DYRK4: variants seen among roughly 807,000 people sequenced by gnomAD.
The protein encoded by DYRK4 is dual specificity tyrosine phosphorylation regulated kinase 4.
DYRK4 carries 64 observed loss-of-function variants against 68.3 expected under a neutral mutation model. The observed-to-expected ratio is 0.94, with a 90% CI of 0.77 to 1.15. The LOEUF (loss-of-function observed/expected upper bound fraction) is 1.15, where lower values mean the gene tolerates loss of function less well. Among genes scored for constraint, DYRK4 ranks in the 50% most tolerant of loss-of-function variants. The pLI is 0.00. For missense variants in DYRK4, 740 were observed against 764.7 expected, an observed-to-expected ratio of 0.97 and a Z score of 0.38; for synonymous variants, 274 against 289.9, an observed-to-expected ratio of 0.95 and a Z score of 0.56.
intron 10 of DYRK4, chr12:4,601,978 G>A (rs1260883356): frequency 3.4e-6 from 1 of 298,324 alleles, no homozygotes; most frequent in East Asian, 9.9e-5. Flanking sequence ...TCTATTTTCT[G>A]TTCCTTCAAA....
intron 2 of DYRK4, chr12:4,572,910 C>T (rs1019396014): frequency 2.9e-5 from 6 of 207,620 alleles, no homozygotes; most frequent in Non-Finnish European, 4.9e-5. Flanking sequence ...GGATATCCGA[C>T]GGTCATTCAT....
chr12:4,569,566 G>A (rs1202760135), intron 2 of DYRK4, among the ~76,000 whole-genome samples: 3 of 152,104 alleles, frequency 2.0e-5, no homozygotes, highest in African/African-American at 7.2e-5. Context: ...TTAGCCCAGG[G>A]TCATAATGCC....
At chr12:4,565,434 T>C (rs1934736921) in intron 1 of DYRK4, among the ~76,000 whole-genome samples, 1 of 152,142 alleles carries the variant, frequency 6.6e-6, no homozygotes. Flanking sequence ...GTCTCATTAT[T>C]TTGCAGATGA....
intron 10 of DYRK4, among the ~76,000 whole-genome samples, chr12:4,601,764 A>C (rs1329222758): frequency 6.6e-6 from 1 of 151,884 alleles, no homozygotes; most frequent in African/African-American, 2.4e-5. Flanking sequence ...TTTCTCTTGG[A>C]TTTTCAATTT....
Position 4,596,581 on chromosome 12 carries a change from C to A in DYRK4, c.765-8C>A, listed in dbSNP as rs1945020755. 2 of 1,610,968 alleles carry A rather than the reference C, an allele frequency of 1.2e-6. No homozygotes were observed. Among genetic ancestry groups the A allele is most frequent in the Non-Finnish European group, 1.7e-6 (2 of 1,179,330 alleles). The stretch of plus-strand genomic sequence containing the variant: ...TCCCACCCTGCCGGCCACTCCCAAT[C>A]ACCTTAGGTTTCACCAGCAGGCCCT... On this transcript the variant is annotated splice_region_variant and splice_polypyrimidine_tract_variant and intron_variant, in intron 7 of 14. Coordinates refer to ENST00000543431, the MANE Select transcript of DYRK4 (RefSeq NM_001394779.1).
At chr12:4,565,627 CTTTT>C (rs10717580) in intron 1 of DYRK4, among the ~76,000 whole-genome samples, 2 of 143,882 alleles carry the variant, frequency 1.4e-5, no homozygotes, top group Non-Finnish European at 3.1e-5. Context: ...TTCACATTTA[CTTTT>C]TTTTTTTTTT....
At chr12:4,599,246 C>A in intron 9 of DYRK4, 80 bp downstream of exon 9, 5 of 1,272,930 alleles carry the variant, frequency 3.9e-6, no homozygotes, top group African/African-American at 1.5e-5. Context: ...CAATCACAAA[C>A]TCCAATCAAA....
In DYRK4 at chr12:4,613,487, C is replaced by T; in HGVS notation, c.1667-28C>T. 6.3e-7 allele frequency: 1 copy of T among 1,589,500 alleles called. No homozygotes were observed. Among genetic ancestry groups the T allele is most frequent in the African/African-American group, 1.3e-5 (1 of 74,460 alleles). Reference sequence around the variant, plus strand: ...ATATAATCCACATTTGAATCTTGTTCCCTTCTGTCTTCTCTCTCCTTTAGC... The same window carrying T: ...ATATAATCCACATTTGAATCTTGTTTCCTTCTGTCTTCTCTCTCCTTTAGC... On this transcript the variant is annotated intron_variant, in intron 14 of 14. Coordinates refer to ENST00000543431, the MANE Select transcript of DYRK4 (RefSeq NM_001394779.1). This position sits in a 1 kb window ranked among gnomAD's most constrained non-coding sequence, Gnocchi z 4.0.
At chr12:4,580,810 TAAA>T in intron 2 of DYRK4, 4 of 453,012 alleles carry the variant, frequency 8.8e-6, no homozygotes, top group Admixed American at 7.2e-5. Context: ...TTTTTTTTTT[TAAA>T]TGGGAAACAG....
intron 6 of DYRK4, 146 bp from the exon 7 acceptor site, chr12:4,596,003 G>T: frequency 1.2e-6 from 1 of 842,368 alleles, no homozygotes; most frequent in Non-Finnish European, 1.9e-6. Flanking sequence ...AATGAGATGA[G>T]GGCGAGAGTC....
At chr12:4,603,316 G>T in intron 10 of DYRK4, 1 of 727,280 alleles carries the variant, frequency 1.4e-6, no homozygotes. Flanking sequence ...CTATTATGCT[G>T]GCATCACTTT....
intron 12 of DYRK4, among the ~76,000 whole-genome samples, chr12:4,608,040 C>T (rs1945174225): frequency 6.6e-6 from 1 of 152,148 alleles, no homozygotes; most frequent in South Asian, 2.1e-4. Context: ...TTTAAGTGGT[C>T]CTATACAAGA....
intron 1 of DYRK4, among the ~76,000 whole-genome samples, chr12:4,563,565 C>T (rs369615557): frequency 1.1e-4 from 17 of 152,284 alleles, no homozygotes; most frequent in African/African-American, 3.8e-4. Context: ...CCTGACTTAG[C>T]AATGAGTAGA....
intron 2 of DYRK4, among the ~76,000 whole-genome samples, chr12:4,586,384 AT>A (rs1217912839): frequency 2.6e-5 from 4 of 152,140 alleles, no homozygotes; most frequent in Non-Finnish European, 5.9e-5. Context: ...TACTAAGGAG[AT>A]TCCTGTTTTA....
chr12:4,610,740 T>A (rs1486753027), intron 13 of DYRK4, among the ~76,000 whole-genome samples: 1 of 152,188 alleles, frequency 6.6e-6, no homozygotes, highest in Admixed American at 6.5e-5. Context: ...CCCTAGGATT[T>A]AGTACCCAAA....
chr12:4,575,299 C>CTGTGTGTGTGTGTGTGTGTGTG (rs35874260), intron 2 of DYRK4, among the ~76,000 whole-genome samples: 354 of 148,952 alleles, frequency 2.4e-3, no homozygotes, highest in African/African-American at 7.8e-3. Flanking sequence ...CAATAACTTA[C>CTGTGTGTGTGTGTGTGTGTGTG]TGTGTGTGTG....
intron 12 of DYRK4, among the ~76,000 whole-genome samples, chr12:4,607,854 C>T (rs1945171333): frequency 6.6e-6 from 1 of 152,170 alleles, no homozygotes; most frequent in African/African-American, 2.4e-5. Flanking sequence ...CCTTACTGTG[C>T]CAGGTTCATT....
chr12:4,589,448 C>T (rs1944929907), intron 3 of DYRK4, among the ~76,000 whole-genome samples: 1 of 152,054 alleles, frequency 6.6e-6, no homozygotes, highest in Non-Finnish European at 1.5e-5. Context: ...GTTTTTGTAC[C>T]CATTAACCAT....
chr12:4,584,498 G>A (rs1197457669), intron 2 of DYRK4, among the ~76,000 whole-genome samples: 1 of 151,820 alleles, frequency 6.6e-6, no homozygotes, highest in Non-Finnish European at 1.5e-5. Flanking sequence ...GTGCAGAGTA[G>A]GGGGCAGGGT....
Sources: allele counts gnomAD v4.1 joint callset (sites outside exome capture counted in the v4.1 genomes callset), GRCh38; gene constraint gnomAD v4.1.1; non-coding constraint Gnocchi (gnomAD v3.1); transcripts MANE v1.5; gene names NCBI Gene and HGNC (gene_info 2026-07-23, HGNC 2026-07-21).